Variants in HEPHL1 observed in about 807,000 individuals in gnomAD.
The protein encoded by HEPHL1 is ferroxidase HEPHL1.
In HEPHL1, 123 loss-of-function variants were observed where a neutral mutation model predicts 122.0. The ratio of observed to expected loss-of-function variants is 1.01; its 90% confidence interval spans 0.87 to 1.17. HEPHL1 has a LOEUF of 1.17. Among genes scored for constraint, HEPHL1 ranks in the 50% most tolerant of loss-of-function variants. The pLI, the probability that HEPHL1 is intolerant of heterozygous loss-of-function variation, is 0.00. For synonymous variants in HEPHL1, 527 were observed against 508.9 expected, an observed-to-expected ratio of 1.04 and a Z score of -0.48; for missense variants, 1,452 against 1,430.5, an observed-to-expected ratio of 1.01 and a Z score of -0.24.
chr11:94,048,272 TGA>T (rs1945858434), intron 2 of HEPHL1, among the ~76,000 whole-genome samples: 1 of 152,196 alleles, frequency 6.6e-6, no homozygotes, highest in Non-Finnish European at 1.5e-5. Flanking sequence ...TTGGCTATTG[TGA>T]ATAATACTGC....
At chr11:94,102,005 T>A (rs1946371475) in intron 14 of HEPHL1, among the ~76,000 whole-genome samples, 1 of 152,170 alleles carries the variant, frequency 6.6e-6, no homozygotes, top group South Asian at 2.1e-4. Context: ...ATTGTCATAT[T>A]TTATTATTAG....
chr11:94,025,365 T>G (rs1446390269), intron 1 of HEPHL1, among the ~76,000 whole-genome samples: 1 of 152,204 alleles, frequency 6.6e-6, no homozygotes, highest in Non-Finnish European at 1.5e-5. Context: ...ATACCAGTCC[T>G]GCTCAGGCTC....
rs776878491 is a variant in HEPHL1, at chr11:94,067,636, G to A, written c.949G>A (p.Gly317Arg). 1.2e-6 allele frequency: 2 copies of A among 1,613,758 alleles called. No individual in the cohort carries two copies. Among genetic ancestry groups the A allele is most frequent in the Middle Eastern group, 1.7e-4 (1 of 6,058 alleles). ...YFYGNTFISR[G>R]HRTDVVNLFP... ...CTATGGTAACACCTTCATCAGCAGA[G>A]GGCATCGGACTGATGTCGTCAACCT... The change falls in exon 5 of 20, where the codon GGG becomes AGG. Residue 317 changes from glycine (G) to arginine (R), a missense_variant. By Grantham distance (125) the Gly-to-Arg change is moderately radical. Transcript: ENST00000315765.
intron 9 of HEPHL1, among the ~76,000 whole-genome samples, chr11:94,078,446 CATATATATATAT>C (rs6144452): frequency 0.044 from 4,906 of 111,534 alleles, 296 homozygotes; most frequent in East Asian, 0.15. Flanking sequence ...TCAGATGTTC[CATATATATATAT>C]ATATATATAT....
At chr11:94,030,808 G>A (rs1945667771) in intron 1 of HEPHL1, among the ~76,000 whole-genome samples, 1 of 152,222 alleles carries the variant, frequency 6.6e-6, no homozygotes, top group Non-Finnish European at 1.5e-5. Context: ...TAGAGTGGGA[G>A]AGGGCTAACT....
intron 2 of HEPHL1, among the ~76,000 whole-genome samples, chr11:94,059,230 T>C (rs1945964097): frequency 6.6e-6 from 1 of 152,212 alleles, no homozygotes; most frequent in Non-Finnish European, 1.5e-5. Flanking sequence ...TTAGTACATA[T>C]AGTGAGACTT....
rs555653609 is a variant in HEPHL1, at chr11:94,075,012, T to C, written c.1505-162T>C. 3.9e-5 allele frequency among the ~76,000 whole-genome samples: 6 copies of C among 152,318 alleles called. No homozygotes were observed. The South Asian group carries it at 1.2e-3, about 32-fold the overall frequency. ...ACTTTTATCTCATAAGCCAGCAGAT[T>C]GTGGCAGTGGCCTCTTCTGGTAGGA... On this transcript the variant is annotated intron_variant, in intron 8 of 19. Transcript: ENST00000315765.
chr11:94,024,764 A>G (rs1392310798), intron 1 of HEPHL1, among the ~76,000 whole-genome samples: 1 of 152,014 alleles, frequency 6.6e-6, no homozygotes, highest in African/African-American at 2.4e-5. Flanking sequence ...CTTGATGTAC[A>G]TTAGTCATGT....
chr11:94,068,885 A>T (rs1040679819), intron 5 of HEPHL1, among the ~76,000 whole-genome samples: 2 of 152,188 alleles, frequency 1.3e-5, no homozygotes, highest in Admixed American at 6.5e-5. Flanking sequence ...ATAGTCACTA[A>T]TAGGTGCAAA....
At chr11:94,037,150 G>C (rs1408715211) in intron 1 of HEPHL1, among the ~76,000 whole-genome samples, 1 of 152,156 alleles carries the variant, frequency 6.6e-6, no homozygotes, top group African/African-American at 2.4e-5. Context: ...CGAATATTGC[G>C]CTTTTCAGAC....
chr11:94,029,821 C>A (rs1945657565), intron 1 of HEPHL1, among the ~76,000 whole-genome samples: 1 of 152,210 alleles, frequency 6.6e-6, no homozygotes, highest in Non-Finnish European at 1.5e-5. Flanking sequence ...TCAGCAAACA[C>A]TTCACTGCCC....
Position 94,111,970 on chromosome 11 carries a change from C to CAAG in HEPHL1, c.*77_*79dup. The CAAG allele has an allele frequency of 2.9e-6, 3 of 1,032,128 alleles. No homozygotes were observed. Among genetic ancestry groups the CAAG allele is most frequent in the Non-Finnish European group, 4.1e-6 (3 of 725,292 alleles). 63.9% of individuals were successfully genotyped at this position (1,032,128 alleles called of 1,614,324 possible). ...ATGGCAGCCAACAGGGAAACTGGAC[C>CAAG]AAGGCATCACTCACCAAGGAAGGTT... On this transcript the variant is annotated 3_prime_UTR_variant, in exon 20 of 20. Coordinates refer to ENST00000315765, the MANE Select transcript of HEPHL1 (RefSeq NM_001098672.2).
intron 2 of HEPHL1, among the ~76,000 whole-genome samples, chr11:94,047,579 G>T (rs1162569040): frequency 6.6e-6 from 1 of 151,974 alleles, no homozygotes; most frequent in Non-Finnish European, 1.5e-5. Flanking sequence ...AGGTGTATAT[G>T]CATGTCATTT....
chr11:94,044,948 A>T (rs533658029), intron 1 of HEPHL1, among the ~76,000 whole-genome samples: 8 of 151,800 alleles, frequency 5.3e-5, no homozygotes, highest in African/African-American at 1.9e-4. Flanking sequence ...CGGAATCTTG[A>T]TCTGTCACCC....
At chr11:94,105,493 G>C (rs112859892) in intron 16 of HEPHL1, among the ~76,000 whole-genome samples, 2,106 of 152,300 alleles carry the variant, frequency 0.014, 21 homozygotes, top group Middle Eastern at 0.027. Context: ...TGTAAACTCA[G>C]TTTGCTTTGG....
At chr11:94,047,997 G>A (rs558919661) in intron 2 of HEPHL1, among the ~76,000 whole-genome samples, 5 of 152,046 alleles carry the variant, frequency 3.3e-5, no homozygotes, top group South Asian at 4.2e-4. Context: ...ATCCCAAACC[G>A]AAACTATATA....
At position 94,063,671 on chromosome 11, in the gene HEPHL1, A is replaced by G. The variant is rs758770473; in HGVS notation, c.579A>G (p.Pro193=). ...TGTACCATTCGCACATCGACGCCCC[A>G]AAGGACATCTGCTCTGGGCTAATTG... ...TWVYHSHIDA[P]KDICSGLIGP... Residue 193 remains proline, a synonymous_variant, in exon 3 of 20, where the codon CCA becomes CCG. Coordinates refer to ENST00000315765, the MANE Select transcript of HEPHL1 (RefSeq NM_001098672.2). 13 of 1,613,746 alleles carry G rather than the reference A, an allele frequency of 8.1e-6. No individual in the cohort carries two copies. Among genetic ancestry groups the G allele is most frequent in the Non-Finnish European group, 1.1e-5 (13 of 1,179,834 alleles).
At chr11:94,055,885 C>A in intron 2 of HEPHL1, 1 of 710,012 alleles carries the variant, frequency 1.4e-6, no homozygotes. Flanking sequence ...TCAGCATCCA[C>A]ATAATATAAG....
At chr11:94,103,595 A>G (rs1226540882) in intron 15 of HEPHL1, among the ~76,000 whole-genome samples, 3 of 152,260 alleles carry the variant, frequency 2.0e-5, no homozygotes, top group Non-Finnish European at 2.9e-5. Flanking sequence ...ACTTTGAAAT[A>G]AAAGGCAAAG....
Sources: allele counts gnomAD v4.1 joint callset (sites outside exome capture counted in the v4.1 genomes callset), GRCh38; gene constraint gnomAD v4.1.1; transcripts MANE v1.5; gene names NCBI Gene and HGNC (gene_info 2026-07-23, HGNC 2026-07-21).